Variants in GABRG3 observed in about 807,000 individuals in gnomAD.
The protein encoded by GABRG3 is gamma-aminobutyric acid receptor subunit gamma-3.
Under a neutral mutation model 48.8 loss-of-function variants are expected in GABRG3, and 25 were observed. The ratio of observed to expected loss-of-function variants is 0.51; its 90% CI spans 0.37 to 0.72. GABRG3 has a LOEUF of 0.72. Ranked by LOEUF, GABRG3 falls within the 30% of genes least tolerant of loss-of-function variation. The pLI, the probability that GABRG3 is intolerant of heterozygous loss-of-function variation, is 0.00. For missense variants in GABRG3, 394 were observed against 577.9 expected (o/e 0.68, Z 3.26); for synonymous variants, 227 against 217.6 (o/e 1.04, Z -0.38).
intron 3 of GABRG3, among the ~76,000 whole-genome samples, chr15:27,283,967 A>G (rs1470094541): frequency 6.6e-6 from 1 of 152,178 alleles, no homozygotes; most frequent in Non-Finnish European, 1.5e-5. Context: ...AAGAGAGGAA[A>G]ACTCAGAGAC....
At chr15:27,261,901 G>A (rs1329052848) in intron 3 of GABRG3, among the ~76,000 whole-genome samples, 1 of 143,700 alleles carries the variant, frequency 7.0e-6, no homozygotes, top group African/African-American at 3.0e-5. Flanking sequence ...TATTTTCCCT[G>A]TAAGCCTCTG....
At chr15:27,455,655 ATGTG>A (rs574888508) in intron 5 of GABRG3, among the ~76,000 whole-genome samples, 2 of 90,106 alleles carry the variant, frequency 2.2e-5, no homozygotes, top group Non-Finnish European at 4.3e-5. Flanking sequence ...TGTGTGTGTG[ATGTG>A]TGTGTGTATG....
intron 3 of GABRG3, among the ~76,000 whole-genome samples, chr15:27,115,681 C>T (rs1018598688): frequency 1.3e-5 from 2 of 152,146 alleles, no homozygotes; most frequent in African/African-American, 4.8e-5. Context: ...CCAGTCCTCC[C>T]AACATACCTT....
At chr15:27,471,637 C>T (rs147958317) in intron 5 of GABRG3, among the ~76,000 whole-genome samples, 2,619 of 152,268 alleles carry the variant, frequency 0.017, 31 homozygotes, top group Middle Eastern at 0.041. Flanking sequence ...TCATAATTTT[C>T]TTGCTGTTAT....
chr15:27,002,279 G>A (rs1895463333), intron 2 of GABRG3, among the ~76,000 whole-genome samples: 1 of 152,162 alleles, frequency 6.6e-6, no homozygotes, highest in South Asian at 2.1e-4. Flanking sequence ...TGGCCCACAG[G>A]GGGATTTTCC....
At chr15:27,448,258 A>G (rs1339096682) in intron 5 of GABRG3, among the ~76,000 whole-genome samples, 2 of 152,214 alleles carry the variant, frequency 1.3e-5, no homozygotes, top group Non-Finnish European at 2.9e-5. Context: ...GGTTTTAGAC[A>G]CACTGAAATA....
intron 6 of GABRG3, among the ~76,000 whole-genome samples, chr15:27,502,015 T>A (rs532429134): frequency 3.3e-5 from 5 of 152,046 alleles, no homozygotes; most frequent in Middle Eastern, 3.4e-3. Context: ...ACAAGGTGAG[T>A]CCTCCCAGGA....
chr15:27,076,632 G>A (rs1219600773), intron 3 of GABRG3, among the ~76,000 whole-genome samples: 1 of 152,062 alleles, frequency 6.6e-6, no homozygotes, highest in African/African-American at 2.4e-5. Context: ...TGAGCCACCT[G>A]TCTCAAGATC....
intron 2 of GABRG3, among the ~76,000 whole-genome samples, chr15:26,994,169 G>A (rs1036320865): frequency 5.9e-5 from 9 of 151,792 alleles, no homozygotes; most frequent in Non-Finnish European, 1.3e-4. Flanking sequence ...AGCCCTCCAT[G>A]TCTTTTGATT....
At position 27,533,229 on chromosome 15, in the gene GABRG3, A is replaced by G. The variant is rs1360700843; in HGVS notation, c.*348A>G. 3.8e-6 allele frequency: 1 copy of G among 261,852 alleles called. No homozygotes were observed. The highest frequency in any genetic ancestry group is 7.4e-6 in the Non-Finnish European group (1 of 135,592). The allele number at this position is 261,852 out of a possible 1,614,324, so 16.2% of individuals were successfully genotyped here. ...TAAAATGTGCACGTGAATGTCTGAGATGCTCTCTCAGGCCTCTAGTCCTTC... is the reference window on the plus strand; with the variant it reads ...TAAAATGTGCACGTGAATGTCTGAGGTGCTCTCTCAGGCCTCTAGTCCTTC... On this transcript the variant is annotated 3_prime_UTR_variant, in exon 10 of 10. Transcript: ENST00000615808.
chr15:26,988,669 TCA>T (rs1895193498), intron 2 of GABRG3, among the ~76,000 whole-genome samples: 1 of 152,168 alleles, frequency 6.6e-6, no homozygotes, highest in South Asian at 2.1e-4. Flanking sequence ...CAGTTTGATT[TCA>T]GTTTATGATC....
intron 3 of GABRG3, among the ~76,000 whole-genome samples, chr15:27,318,699 C>T (rs1013615709): frequency 6.6e-6 from 1 of 152,168 alleles, no homozygotes; most frequent in African/African-American, 2.4e-5. Context: ...CCCCTTCACA[C>T]TGTTTCTAGC....
chr15:27,430,995 A>G (rs1403027600), intron 5 of GABRG3, among the ~76,000 whole-genome samples: 1 of 128,764 alleles, frequency 7.8e-6, no homozygotes, highest in East Asian at 2.0e-4. Flanking sequence ...GTCTCAATAA[A>G]TAAATAAATA....
chr15:27,267,364 C>G (rs150498798), intron 3 of GABRG3, among the ~76,000 whole-genome samples: 2 of 152,218 alleles, frequency 1.3e-5, no homozygotes, highest in African/African-American at 4.8e-5. Context: ...GCCTCAGTCT[C>G]CCAAAGTGTT....
intron 5 of GABRG3, among the ~76,000 whole-genome samples, chr15:27,479,580 C>T (rs192175317): frequency 1.3e-5 from 2 of 152,356 alleles, no homozygotes; most frequent in East Asian, 3.9e-4. Flanking sequence ...CAGCACATTT[C>T]AACCACTTTA....
chr15:27,420,996 CA>C (rs932039986), intron 5 of GABRG3, among the ~76,000 whole-genome samples: 4 of 152,044 alleles, frequency 2.6e-5, no homozygotes, highest in Non-Finnish European at 4.4e-5. Flanking sequence ...TTAAAACAAA[CA>C]AAAAAGAAAC....
At chr15:27,034,772 G>A (rs1896146873) in intron 3 of GABRG3, among the ~76,000 whole-genome samples, 1 of 152,188 alleles carries the variant, frequency 6.6e-6, no homozygotes, top group South Asian at 2.1e-4. Context: ...TGTCAAGTGA[G>A]TGAATGGATA....
chr15:26,994,729 T>G (rs1032765809), intron 2 of GABRG3, among the ~76,000 whole-genome samples: 1 of 152,050 alleles, frequency 6.6e-6, no homozygotes, highest in African/African-American at 2.4e-5. Flanking sequence ...TGTTTGAGTG[T>G]GTTCTTCATT....
At chr15:27,233,600 T>A (rs1889866645) in intron 3 of GABRG3, among the ~76,000 whole-genome samples, 2 of 152,138 alleles carry the variant, frequency 1.3e-5, no homozygotes, top group African/African-American at 4.8e-5. Context: ...TCCACCCTCA[T>A]GACCTAATTT....
Sources: gnomAD v4.1 joint callset for allele counts (sites outside exome capture counted in the v4.1 genomes callset) on GRCh38, gnomAD v4.1.1 for gene constraint, MANE v1.5 for transcripts, NCBI Gene and HGNC (gene_info 2026-07-23, HGNC 2026-07-21) for gene names.